Variants in ZNF423 observed in about 807,000 individuals in gnomAD.
ZNF423 encodes the protein zinc finger protein 423.
A neutral mutation model predicts 95.8 loss-of-function variants in ZNF423; 12 were observed. The ratio of observed to expected loss-of-function variants is 0.13; its 90% CI spans 0.08 to 0.20. ZNF423 has a LOEUF of 0.20. Ranked by LOEUF, ZNF423 falls within the 10% of genes least tolerant of loss-of-function variation. The probability of loss-of-function intolerance (pLI) is 1.00; values close to 1 mark genes in which losing one functional copy is unlikely to be tolerated. For synonymous variants in ZNF423, 749 were observed against 711.9 expected, an observed-to-expected ratio of 1.05 and a Z score of -0.83; for missense variants, 1,316 against 1,737.1, an observed-to-expected ratio of 0.76 and a Z score of 4.31.
intron 2 of ZNF423, among the ~76,000 whole-genome samples, chr16:49,752,443 C>G (rs1306108664): frequency 6.6e-6 from 1 of 152,204 alleles, no homozygotes; most frequent in African/African-American, 2.4e-5. Flanking sequence ...AGGCTGGTCC[C>G]CCTTTCTGAC....
intron 3 of ZNF423, among the ~76,000 whole-genome samples, chr16:49,702,148 C>A (rs957261187): frequency 6.6e-6 from 1 of 152,156 alleles, no homozygotes; most frequent in Non-Finnish European, 1.5e-5. Context: ...GTCATTACTC[C>A]CACTGGAAGC....
chr16:49,800,471 T>A (rs1448971090), intron 1 of ZNF423, among the ~76,000 whole-genome samples: 1 of 152,116 alleles, frequency 6.6e-6, no homozygotes, highest in Admixed American at 6.5e-5. Context: ...GGGTTCTTTC[T>A]CTAAATTGGC....
At chr16:49,601,947 G>A (rs1474023702) in intron 5 of ZNF423, among the ~76,000 whole-genome samples, 1 of 152,192 alleles carries the variant, frequency 6.6e-6, no homozygotes, top group South Asian at 2.1e-4. Flanking sequence ...AGGTGATCTG[G>A]AGTCTTTCCT....
intron 1 of ZNF423, among the ~76,000 whole-genome samples, chr16:49,834,075 A>C (rs2035090933): frequency 6.6e-6 from 1 of 152,196 alleles, no homozygotes; most frequent in South Asian, 2.1e-4. Context: ...CCAAGTCCTC[A>C]GTGGGCTGGG....
chr16:49,709,300 G>A (rs1035164064), intron 3 of ZNF423, among the ~76,000 whole-genome samples: 3 of 151,908 alleles, frequency 2.0e-5, no homozygotes, highest in Non-Finnish European at 4.4e-5. Context: ...GGACGCTGCT[G>A]TTCTCAGCAG....
chr16:49,645,193 G>A (rs1435545388), intron 3 of ZNF423, among the ~76,000 whole-genome samples: 1 of 152,210 alleles, frequency 6.6e-6, no homozygotes, highest in African/African-American at 2.4e-5. Context: ...ACACCAAGCA[G>A]AGCTTCTCTG....
intron 2 of ZNF423, among the ~76,000 whole-genome samples, chr16:49,768,857 A>G (rs1596988376): frequency 6.6e-6 from 1 of 152,024 alleles, no homozygotes; most frequent in East Asian, 1.9e-4. Context: ...TCTCACGGGC[A>G]TCTCAAGCTT....
intron 7 of ZNF423, among the ~76,000 whole-genome samples, chr16:49,511,234 A>C (rs915907722): frequency 6.6e-6 from 1 of 152,174 alleles, no homozygotes; most frequent in Non-Finnish European, 1.5e-5. Flanking sequence ...TGTCCAGACC[A>C]GCGACAGTAT....
At chr16:49,568,166 A>T (rs1239353105) in intron 5 of ZNF423, among the ~76,000 whole-genome samples, 5 of 152,060 alleles carry the variant, frequency 3.3e-5, no homozygotes, top group Non-Finnish European at 7.4e-5. Context: ...TAAAAGATGA[A>T]CATGTGACCA....
At chr16:49,581,910 G>A (rs553693170) in intron 5 of ZNF423, among the ~76,000 whole-genome samples, 6 of 152,300 alleles carry the variant, frequency 3.9e-5, no homozygotes, top group East Asian at 3.9e-4. Flanking sequence ...GTCACCAGGC[G>A]TCAGTTCTGT....
At chr16:49,705,650 C>T (rs1346044267) in intron 3 of ZNF423, among the ~76,000 whole-genome samples, 3 of 152,224 alleles carry the variant, frequency 2.0e-5, no homozygotes, top group South Asian at 2.1e-4. Flanking sequence ...CTGGTTCAAG[C>T]GATTCTCCTG....
intron 5 of ZNF423, among the ~76,000 whole-genome samples, chr16:49,620,438 G>A (rs2151856714): frequency 6.6e-6 from 1 of 152,266 alleles, no homozygotes; most frequent in African/African-American, 2.4e-5. Flanking sequence ...ATTTGCCCCT[G>A]ACAGCAGAGC....
intron 2 of ZNF423, among the ~76,000 whole-genome samples, chr16:49,777,522 T>C (rs1477025): frequency 0.47 from 71,946 of 152,066 alleles, 18,442 homozygotes; most frequent in African/African-American, 0.68. Flanking sequence ...TTTTGCCCAT[T>C]AGCAATCACT....
intron 7 of ZNF423, among the ~76,000 whole-genome samples, chr16:49,512,217 A>T (rs1304304171): frequency 6.6e-6 from 1 of 152,146 alleles, no homozygotes; most frequent in Non-Finnish European, 1.5e-5. Flanking sequence ...CTTAGTAAAC[A>T]CTTGCAGGCT....
At chr16:49,747,919 G>A (rs1037511526) in intron 2 of ZNF423, among the ~76,000 whole-genome samples, 1 of 152,234 alleles carries the variant, frequency 6.6e-6, no homozygotes, top group Non-Finnish European at 1.5e-5. Context: ...CGGTGTGGAG[G>A]AGCCTAGCCC....
At chr16:49,788,786 C>T (rs547933212) in intron 2 of ZNF423, among the ~76,000 whole-genome samples, 3 of 152,366 alleles carry the variant, frequency 2.0e-5, no homozygotes, top group South Asian at 2.1e-4. Flanking sequence ...AAGAGAGGCC[C>T]TGGCTGCATG....
chr16:49,797,939 G>A (rs1597018499), intron 1 of ZNF423, among the ~76,000 whole-genome samples: 1 of 147,822 alleles, frequency 6.8e-6, no homozygotes, highest in African/African-American at 2.5e-5. Flanking sequence ...GCCAGGCACA[G>A]TCACTCACAC....
chr16:49,755,833 A>G (rs1365765913), intron 2 of ZNF423, among the ~76,000 whole-genome samples: 1 of 152,228 alleles, frequency 6.6e-6, no homozygotes, highest in South Asian at 2.1e-4. Flanking sequence ...AAAGGACTTC[A>G]GGTCTGAGCT....
intron 5 of ZNF423, among the ~76,000 whole-genome samples, chr16:49,545,919 C>A (rs553424921): frequency 6.6e-6 from 1 of 152,314 alleles, no homozygotes; most frequent in African/African-American, 2.4e-5. Flanking sequence ...TAAGTGACAG[C>A]GCCCAGGCCT....
Sources: gnomAD v4.1 joint callset for allele counts (sites outside exome capture counted in the v4.1 genomes callset) on GRCh38, gnomAD v4.1.1 for gene constraint, MANE v1.5 for transcripts, NCBI Gene and HGNC (gene_info 2026-07-23, HGNC 2026-07-21) for gene names.